Variants in ZHX2 observed in about 807,000 individuals in gnomAD.
The protein encoded by ZHX2 is zinc fingers and homeoboxes protein 2.
Under a neutral mutation model 21.9 loss-of-function variants are expected in ZHX2, and 6 were observed. The observed-to-expected ratio is 0.27, with a 90% CI of 0.15 to 0.54. ZHX2 has a LOEUF of 0.54. Ranked by LOEUF, ZHX2 falls within the 20% of genes least tolerant of loss-of-function variation. The pLI, the probability that ZHX2 is intolerant of heterozygous loss-of-function variation, is 0.95. For synonymous variants in ZHX2, 434 were observed against 437.1 expected (o/e 0.99, Z 0.09); for missense variants, 908 against 1,090.7 (o/e 0.83, Z 2.36).
chr8:122,781,194 G>A (rs1208108100), upstream of ZHX2: 2 of 152,216 alleles, frequency 1.3e-5, no homozygotes, highest in Non-Finnish European at 2.9e-5. The surrounding 1 kb of genome is among the most constrained non-coding windows in gnomAD (Gnocchi z 4.6). Context: ...CCCGGGGCCC[G>A]GGTACCGCCA....
chr8:122,927,216 C>T (rs1247480981), intron 2 of ZHX2, among the ~76,000 whole-genome samples: 1 of 152,156 alleles, frequency 6.6e-6, no homozygotes, highest in Non-Finnish European at 1.5e-5. Flanking sequence ...TACCCCAGGC[C>T]AGGCACAGTG....
intron 2 of ZHX2, among the ~76,000 whole-genome samples, chr8:122,891,789 T>C (rs530561246): frequency 2.0e-5 from 3 of 152,354 alleles, no homozygotes; most frequent in African/African-American, 7.2e-5. Context: ...GAGAACATAC[T>C]TGATATGATT....
Position 122,964,612 on chromosome 8 carries a change from T to C in ZHX2, c.*5-8630T>C, listed in dbSNP as rs115809919. 2.7e-3 allele frequency among the ~76,000 whole-genome samples: 404 copies of C among 152,256 alleles called. 1 individual carries two copies. The highest frequency in any genetic ancestry group is 9.1e-3 in the African/African-American group (380 of 41,560). ...ATTGGTCTGTAGTTTTATTTTTCTTTTGTTACATCCTTTCCTGATTTTGGT... is the reference window on the plus strand; with the variant it reads ...ATTGGTCTGTAGTTTTATTTTTCTTCTGTTACATCCTTTCCTGATTTTGGT... On this transcript the variant is annotated intron_variant, in intron 3 of 3. Transcript: ENST00000314393.
chr8:122,793,752 C>T (rs549320666), intron 1 of ZHX2, among the ~76,000 whole-genome samples: 16 of 152,172 alleles, frequency 1.1e-4, no homozygotes, highest in African/African-American at 2.4e-4. Flanking sequence ...ACGTAGATTC[C>T]GCACATGGCT....
chr8:122,851,214 G>A (rs961003769), intron 1 of ZHX2, among the ~76,000 whole-genome samples: 9 of 151,852 alleles, frequency 5.9e-5, no homozygotes, highest in Admixed American at 5.2e-4. Context: ...ATAAAATGAA[G>A]TGTGAGAGAA....
intron 1 of ZHX2, among the ~76,000 whole-genome samples, chr8:122,852,512 G>A (rs4871316): frequency 6.6e-6 from 1 of 151,418 alleles, no homozygotes; most frequent in Non-Finnish European, 1.5e-5. Context: ...GCTAATCATC[G>A]GCAGGCCCAG....
chr8:122,944,444 A>G (rs545731650), intron 2 of ZHX2, among the ~76,000 whole-genome samples: 1 of 152,032 alleles, frequency 6.6e-6, no homozygotes, highest in African/African-American at 2.4e-5. Context: ...CTACAAAATT[A>G]AGTATAGCCT....
At chr8:122,858,641 T>C (rs1175566214) in intron 1 of ZHX2, among the ~76,000 whole-genome samples, 3 of 139,696 alleles carry the variant, frequency 2.1e-5, no homozygotes, top group Non-Finnish European at 4.6e-5. Flanking sequence ...TTTCTTTCTT[T>C]TTTTTTTTTT....
chr8:122,801,936 CAG>C (rs1817728787), intron 1 of ZHX2, among the ~76,000 whole-genome samples: 1 of 152,172 alleles, frequency 6.6e-6, no homozygotes, highest in South Asian at 2.1e-4. Flanking sequence ...CATATGCAGA[CAG>C]GGGTCAGGAG....
At chr8:122,840,283 T>C (rs1184828971) in intron 1 of ZHX2, among the ~76,000 whole-genome samples, 1 of 152,218 alleles carries the variant, frequency 6.6e-6, no homozygotes, top group African/African-American at 2.4e-5. Context: ...TACTCTTTCC[T>C]AACTGTGGAA....
At chr8:122,832,854 C>A (rs912728854) in intron 1 of ZHX2, among the ~76,000 whole-genome samples, 8 of 152,070 alleles carry the variant, frequency 5.3e-5, no homozygotes, top group African/African-American at 1.9e-4. Flanking sequence ...ACCTAATACT[C>A]CCGTTCTGCC....
At chr8:122,818,213 G>A (rs1029794768) in intron 1 of ZHX2, among the ~76,000 whole-genome samples, 1 of 151,942 alleles carries the variant, frequency 6.6e-6, no homozygotes, top group Non-Finnish European at 1.5e-5. Flanking sequence ...TTTACAGTCG[G>A]ACTGGGTTTT....
chr8:122,790,215 T>A (rs1427403726), intron 1 of ZHX2, among the ~76,000 whole-genome samples: 2 of 152,174 alleles, frequency 1.3e-5, no homozygotes, highest in Admixed American at 1.3e-4. Context: ...AAAAAAAATT[T>A]AGGGATCAAA....
At position 122,953,002 on chromosome 8, in the gene ZHX2, A is replaced by G. The variant is rs1335213379; in HGVS notation, c.1492A>G (p.Ile498Val). ...SDHRYRCQRG[I>V]VHITSESLAK... The stretch of plus-strand genomic sequence containing the variant: ...CCACCGATATCGGTGTCAAAGGGGC[A>G]TCGTCCACATCACCAGCGAATCCCT... The change falls in exon 3 of 4, where the codon ATC (isoleucine) becomes GTC (valine). Residue 498 changes from isoleucine (I) to valine (V), a missense_variant. Transcript: ENST00000314393. This position sits in a 1 kb window ranked among gnomAD's most constrained non-coding sequence, Gnocchi z 4.6. The G allele has an allele frequency of 1.2e-6, 2 of 1,613,918 alleles. No homozygotes were observed. The highest frequency in any genetic ancestry group is 1.7e-6 in the Non-Finnish European group (2 of 1,180,032).
At chr8:122,878,221 G>C (rs1328102212) in intron 2 of ZHX2, among the ~76,000 whole-genome samples, 1 of 152,194 alleles carries the variant, frequency 6.6e-6, no homozygotes, top group Non-Finnish European at 1.5e-5. Context: ...ACATGTGTGT[G>C]TTTGTGTGTG....
At chr8:122,941,779 G>A (rs999358670) in intron 2 of ZHX2, among the ~76,000 whole-genome samples, 7 of 152,186 alleles carry the variant, frequency 4.6e-5, no homozygotes, top group Non-Finnish European at 5.9e-5. Flanking sequence ...TCCAAAGGTA[G>A]CAAACAAGGC....
intron 1 of ZHX2, among the ~76,000 whole-genome samples, chr8:122,827,630 G>A (rs1047853411): frequency 2.0e-5 from 3 of 151,958 alleles, no homozygotes; most frequent in Admixed American, 2.0e-4. Flanking sequence ...GAAAAAAAGA[G>A]AATCTGACTT....
rs180972905 is a variant in ZHX2, at chr8:122,808,862, C to T, written c.-283+26916C>T. 267 of 152,336 alleles carry T rather than the reference C, an allele frequency of 1.8e-3. 1 individual carries two copies. The highest frequency in any genetic ancestry group is 6.3e-3 in the African/African-American group (262 of 41,574). The allele number at this position is 152,336 out of a possible 1,614,324, so 9.4% of individuals were successfully genotyped here. On this transcript the variant is annotated intron_variant, in intron 1 of 3. Coordinates refer to ENST00000314393, the MANE Select transcript of ZHX2 (RefSeq NM_014943.5). Reference sequence around the variant, plus strand: ...TAGTTTGAGTTGGAGCTCCAAAGCGCTAGCTAGACAATTAACAAATATTGT... The same window carrying T: ...TAGTTTGAGTTGGAGCTCCAAAGCGTTAGCTAGACAATTAACAAATATTGT...
chr8:122,837,929 A>G (rs1046948271), intron 1 of ZHX2, among the ~76,000 whole-genome samples: 3 of 152,212 alleles, frequency 2.0e-5, no homozygotes, highest in African/African-American at 7.2e-5. Context: ...CAGATTACTG[A>G]TCCACAACCC....
Sources: allele counts gnomAD v4.1 joint callset (sites outside exome capture counted in the v4.1 genomes callset), GRCh38; gene constraint gnomAD v4.1.1; non-coding constraint Gnocchi (gnomAD v3.1); transcripts MANE v1.5; gene names NCBI Gene and HGNC (gene_info 2026-07-23, HGNC 2026-07-21).